FXYD2: variants seen among roughly 807,000 people sequenced by gnomAD.
FXYD2 encodes the protein sodium/potassium-transporting ATPase subunit gamma.
In FXYD2, 8 loss-of-function variants were observed where a neutral mutation model predicts 11.8. That is an observed-to-expected ratio of 0.68 (90% CI 0.40 to 1.22). The LOEUF is 1.22. Among genes scored for constraint, FXYD2 ranks in the 50% most tolerant of loss-of-function variants. The pLI is 0.01. For synonymous variants in FXYD2, 42 were observed against 33.3 expected, an observed-to-expected ratio of 1.26 and a Z score of -0.90; for missense variants, 92 against 91.8, an observed-to-expected ratio of 1.00 and a Z score of -0.01.
intron 3 of FXYD2, chr11:117,821,271 G>T: frequency 1.2e-6 from 1 of 836,154 alleles, no homozygotes; most frequent in Non-Finnish European, 1.4e-6. Context: ...GTATTGACCA[G>T]GCTGGTCTTA....
Position 117,824,284 on chromosome 11 carries a change from C to A in FXYD2, c.25+370G>T. ...CCCAAATCCAGCCTAGGAAGGCTGA[C>A]CAGAGGGGCCTGCTCCTTCCCCAGC... is the stretch of plus-strand genomic sequence containing the variant. On this transcript the variant is annotated intron_variant, in intron 1 of 5. Coordinates refer to ENST00000292079, the MANE Select transcript of FXYD2 (RefSeq NM_001680.5). The surrounding 1 kb of genome is among the most constrained non-coding windows in gnomAD (Gnocchi z 4.0). The A allele has an allele frequency of 2.6e-6, 1 of 382,080 alleles. No individual in the cohort carries two copies. Among genetic ancestry groups the A allele is most frequent in the Non-Finnish European group, 4.9e-6 (1 of 203,660 alleles). The allele number at this position is 382,080 out of a possible 1,614,324, so 23.7% of individuals were successfully genotyped here.
upstream of FXYD2, among the ~76,000 whole-genome samples, chr11:117,826,166 A>G (rs1165814528): frequency 1.3e-5 from 2 of 152,208 alleles, no homozygotes; most frequent in Non-Finnish European, 2.9e-5. Context: ...GACAAGCATT[A>G]GCCTTTGGCA....
upstream of FXYD2, among the ~76,000 whole-genome samples, chr11:117,827,730 A>G (rs768975278): frequency 2.0e-5 from 3 of 152,190 alleles, no homozygotes; most frequent in Admixed American, 6.5e-5. Context: ...GAGTTCCTGC[A>G]TCTCTAAGGG....
Position 117,822,421 on chromosome 11 carries a change from G to T in FXYD2, c.124C>A (p.Leu42Ile). 1 of 1,559,790 alleles carries T rather than the reference G, an allele frequency of 6.4e-7. No individual in the cohort carries two copies. The highest frequency in any genetic ancestry group is 8.7e-7 in the Non-Finnish European group (1 of 1,151,034). ...IFAGLAFIVG[L>I]LILLSRRFRC... ...CCCCACTTACTGAGGAGGATGAGGA[G>T]CCCCACGATGAAGGCCAGTCCAGCG... Residue 42 changes from leucine to isoleucine, a missense_variant, in exon 3 of 6, where the codon CTC (leucine) becomes ATC (isoleucine). By Grantham distance (5) the Leu-to-Ile change is conservative. Coordinates refer to ENST00000292079, the MANE Select transcript of FXYD2 (RefSeq NM_001680.5). This position sits in a 1 kb window ranked among gnomAD's most constrained non-coding sequence, Gnocchi z 4.7.
At position 117,822,912 on chromosome 11, in the gene FXYD2, C is replaced by G. The variant is rs1230850000; in HGVS notation, c.26-195G>C. 2.0e-5 allele frequency among the ~76,000 whole-genome samples: 3 copies of G among 152,146 alleles called. No homozygotes were observed. The highest frequency in any genetic ancestry group is 4.4e-5 in the Non-Finnish European group (3 of 68,026). ...TCCAGGCGGCTTCAGACACGCTCAA[C>G]TGGGGACCAAATACCGAGTGTCCGA... On this transcript the variant is annotated intron_variant, in intron 1 of 5. Coordinates refer to ENST00000292079, the MANE Select transcript of FXYD2 (RefSeq NM_001680.5). This position sits in a 1 kb window ranked among gnomAD's most constrained non-coding sequence, Gnocchi z 4.7.
upstream of FXYD2, among the ~76,000 whole-genome samples, chr11:117,827,129 TAGATAGA>T (rs2056061839): frequency 6.9e-6 from 1 of 144,320 alleles, no homozygotes; most frequent in Non-Finnish European, 1.5e-5. Context: ...GATAGATAGA[TAGATAGA>T]TATGGATGAT....
At position 117,820,898 on chromosome 11, in the gene FXYD2, T is replaced by C. The variant is rs1179217935; in HGVS notation, c.140-3A>G. The C allele has an allele frequency of 6.2e-7, 1 of 1,613,956 alleles. No individual in the cohort carries two copies. Among genetic ancestry groups the C allele is most frequent in the African/African-American group, 1.3e-5 (1 of 74,954 alleles). On this transcript the variant is annotated splice_polypyrimidine_tract_variant and splice_region_variant and intron_variant, in intron 3 of 5. Transcript: ENST00000292079. ...GCCCCCACAGCGGAATCTTCTGCCT[T>C]GAAAAGAGAAAAGGAGATTTGTTTC...
At chr11:117,827,820 C>T (rs537756710), upstream of FXYD2, among the ~76,000 whole-genome samples, 3 of 152,338 alleles carry the variant, frequency 2.0e-5, no homozygotes, top group South Asian at 2.1e-4. Flanking sequence ...TCTGCACACA[C>T]GTTACAGCAG....
chr11:117,825,806 G>C (rs118176355), upstream of FXYD2, among the ~76,000 whole-genome samples: 1,615 of 152,312 alleles, frequency 0.011, 23 homozygotes, highest in South Asian at 0.026. Context: ...CTCCAGAAAA[G>C]GCTGAAGCCC....
At chr11:117,820,733 G>C in intron 4 of FXYD2, 37 bp from the exon 5 acceptor site, 2 of 1,613,690 alleles carry the variant, frequency 1.2e-6, no homozygotes, top group Non-Finnish European at 1.7e-6. Flanking sequence ...TGAGAGGGCA[G>C]GGGGAGGGGT....
chr11:117,822,445 C>T lies in FXYD2; in HGVS notation c.100G>A (p.Ala34Thr), dbSNP rs1290537690. The T allele has an allele frequency of 4.5e-6, 7 of 1,563,418 alleles. No homozygotes were observed. The highest frequency in any genetic ancestry group is 6.1e-6 in the Non-Finnish European group (7 of 1,153,016). ...ETVRNGGLIF[A>T]GLAFIVGLLI... Reference sequence around the variant, plus strand: ...AGCCCCACGATGAAGGCCAGTCCAGCGAAGATCAGGCCCCCATTGCGAACG... The same window carrying T: ...AGCCCCACGATGAAGGCCAGTCCAGTGAAGATCAGGCCCCCATTGCGAACG... Residue 34 changes from alanine to threonine, a missense_variant, in exon 3 of 6, where the codon GCT becomes ACT. Ala to Thr is a moderately conservative substitution (Grantham distance 58, BLOSUM62 0). Coordinates refer to ENST00000292079, the MANE Select transcript of FXYD2 (RefSeq NM_001680.5). The surrounding 1 kb of genome is among the most constrained non-coding windows in gnomAD (Gnocchi z 4.7).
chr11:117,820,101 G>A lies in FXYD2; in HGVS notation c.*278C>T, dbSNP rs960839981. 3 of 154,486 alleles carry A rather than the reference G, an allele frequency of 1.9e-5. No individual in the cohort carries two copies. The highest frequency in any genetic ancestry group is 4.3e-5 in the Non-Finnish European group (3 of 69,490). 9.6% of individuals were successfully genotyped at this position (154,486 alleles called of 1,614,324 possible). A position where few individuals can be genotyped will look rare whatever the true frequency, so the allele number is the denominator to read the frequency against. On this transcript the variant is annotated 3_prime_UTR_variant, in exon 6 of 6. Transcript: ENST00000292079. ...CCGGCTGTATTTGTACTTGAGCTTG[G>A]AGAGGCTGGTGGTGACAGAGGAGGG...
At chr11:117,827,985 G>C, upstream of FXYD2, 1 of 1,530,248 alleles carries the variant, frequency 6.5e-7, no homozygotes. Flanking sequence ...ATGGGGCTCA[G>C]AGGACTCACC....
chr11:117,828,018 G>T, upstream of FXYD2: 1 of 1,550,812 alleles, frequency 6.4e-7, no homozygotes. Flanking sequence ...GTCCATGGCA[G>T]GAGCTGCTGG....
upstream of FXYD2, among the ~76,000 whole-genome samples, chr11:117,825,301 G>T (rs999691406): frequency 1.3e-5 from 2 of 152,152 alleles, no homozygotes; most frequent in African/African-American, 4.8e-5. Context: ...ACCCATCAAC[G>T]TGCACCCTGC....
In FXYD2 at chr11:117,822,254, C is replaced by A; in HGVS notation, c.139+152G>T. On this transcript the variant is annotated intron_variant, in intron 3 of 5. Transcript: ENST00000292079. The surrounding 1 kb of genome is among the most constrained non-coding windows in gnomAD (Gnocchi z 4.7). ...CTGTGCTCCCAGCGAGCCTGGCACC[C>A]CACCGGGCACCCATTCCCACATCCT... The A allele has an allele frequency of 6.6e-7, 1 of 1,521,292 alleles. No homozygotes were observed. The highest frequency in any genetic ancestry group is 8.8e-7 in the Non-Finnish European group (1 of 1,134,148). 94.2% of individuals were successfully genotyped at this position (1,521,292 alleles called of 1,614,324 possible).
At chr11:117,825,864 G>A (rs1478214375), upstream of FXYD2, among the ~76,000 whole-genome samples, 1 of 152,192 alleles carries the variant, frequency 6.6e-6, no homozygotes, top group African/African-American at 2.4e-5. Flanking sequence ...CAGCAGGGGA[G>A]CTTGAGCCCT....
At chr11:117,827,708 A>G (rs548499513), upstream of FXYD2, among the ~76,000 whole-genome samples, 158 of 152,356 alleles carry the variant, frequency 1.0e-3, no homozygotes, top group African/African-American at 3.6e-3. Flanking sequence ...TCAAGCCAGC[A>G]GCCTGGCTTC....
rs187784200 is a variant in FXYD2 at position 117,822,798 on chromosome 11, C to T, written c.26-81G>A. 158 of 1,559,610 alleles carry T rather than the reference C, an allele frequency of 1.0e-4. No individual in the cohort carries two copies. In the African/African-American group the frequency reaches 1.9e-3, roughly 18 times the overall value. ...GGAACAGCTGGAATTCCCTGTCCTTCCCTTCCCAGAGGACCCTCGAGGGTC... is the reference window on the plus strand; with the variant it reads ...GGAACAGCTGGAATTCCCTGTCCTTTCCTTCCCAGAGGACCCTCGAGGGTC... On this transcript the variant is annotated intron_variant, in intron 1 of 5. Coordinates refer to ENST00000292079, the MANE Select transcript of FXYD2 (RefSeq NM_001680.5). The surrounding 1 kb of genome is among the most constrained non-coding windows in gnomAD (Gnocchi z 4.7).
Sources: allele counts gnomAD v4.1 joint callset (sites outside exome capture counted in the v4.1 genomes callset), GRCh38; gene constraint gnomAD v4.1.1; non-coding constraint Gnocchi (gnomAD v3.1); transcripts MANE v1.5; gene names NCBI Gene and HGNC (gene_info 2026-07-23, HGNC 2026-07-21).